Variants in PHACTR1 observed in about 807,000 individuals in gnomAD.
PHACTR1 encodes the protein RPEL repeat containing 1.
Under a neutral mutation model 69.2 loss-of-function variants are expected in PHACTR1, and 16 were observed. That is an observed-to-expected ratio of 0.23 (90% CI 0.16 to 0.35). The LOEUF (loss-of-function observed/expected upper bound fraction) is 0.35, where lower values mean the gene tolerates loss of function less well. Among genes scored for constraint, PHACTR1 ranks in the 10% least tolerant of loss-of-function variants. The pLI is 1.00. For missense variants in PHACTR1, 510 were observed against 734.7 expected, an observed-to-expected ratio of 0.69 and a Z score of 3.54; for synonymous variants, 312 against 284.5, an observed-to-expected ratio of 1.10 and a Z score of -0.97.
chr6:13,273,681 T>C (rs1211809410), intron 11 of PHACTR1: 1 of 152,196 alleles, frequency 6.6e-6, no homozygotes, highest in African/African-American at 2.4e-5. Flanking sequence ...TAGTGGTAGA[T>C]ATTAAATAAC....
chr6:13,173,267 T>C (rs1014516774), intron 6 of PHACTR1, among the ~76,000 whole-genome samples: 3 of 152,226 alleles, frequency 2.0e-5, no homozygotes, highest in African/African-American at 7.2e-5. Flanking sequence ...TTAAATCGTT[T>C]TTTGTTTTTT....
chr6:13,193,932 G>C (rs1020065281), intron 7 of PHACTR1, among the ~76,000 whole-genome samples: 2 of 152,072 alleles, frequency 1.3e-5, no homozygotes, highest in African/African-American at 4.8e-5. Context: ...ATCAATTGAA[G>C]GGCATTCTTC....
In PHACTR1 at chr6:13,283,268, C is replaced by T; in HGVS notation, c.1510-154C>T. On this transcript the variant is annotated intron_variant, in intron 12 of 14. Coordinates refer to ENST00000332995, the MANE Select transcript of PHACTR1 (RefSeq NM_030948.6). This position sits in a 1 kb window ranked among gnomAD's most constrained non-coding sequence, Gnocchi z 4.7. ...GTCAGGAGACTTGGGTCCCCCCACC[C>T]TGGCCCTCCCCCTGCCCCTGCCCCT... 5.5e-6 allele frequency: 4 copies of T among 723,726 alleles called. 1 individual carries two copies. Among genetic ancestry groups the T allele is most frequent in the Non-Finnish European group, 8.8e-6 (4 of 454,472 alleles). The allele number at this position is 723,726 out of a possible 1,614,324, so 44.8% of individuals were successfully genotyped here.
chr6:12,730,228 T>C (rs1228826774), intron 3 of PHACTR1, among the ~76,000 whole-genome samples: 3 of 152,206 alleles, frequency 2.0e-5, no homozygotes, highest in Non-Finnish European at 4.4e-5. Context: ...CCTTTTATTT[T>C]CCTTTCACAT....
intron 4 of PHACTR1, among the ~76,000 whole-genome samples, chr6:12,908,598 G>A (rs1444142652): frequency 1.3e-5 from 2 of 152,190 alleles, no homozygotes; most frequent in Non-Finnish European, 2.9e-5. Flanking sequence ...GGTGAAGTGT[G>A]AGCTGAATCT....
intron 10 of PHACTR1, among the ~76,000 whole-genome samples, chr6:13,254,893 G>T (rs1774966407): frequency 6.6e-6 from 1 of 152,180 alleles, no homozygotes; most frequent in Non-Finnish European, 1.5e-5. Flanking sequence ...ATTCTTATAT[G>T]CAACAAGTTA....
At chr6:12,740,043 G>T (rs1362258453) in intron 3 of PHACTR1, among the ~76,000 whole-genome samples, 1 of 152,196 alleles carries the variant, frequency 6.6e-6, no homozygotes, top group Non-Finnish European at 1.5e-5. Flanking sequence ...TGGTATATGA[G>T]ATTTGCTTAT....
At chr6:13,109,833 C>CATGTGTGTGT (rs71552733) in intron 5 of PHACTR1, among the ~76,000 whole-genome samples, 1 of 146,080 alleles carries the variant, frequency 6.8e-6, no homozygotes, top group Non-Finnish European at 1.5e-5. Context: ...ATTTTTTCAG[C>CATGTGTGTGT]GTGTGTGTGT....
chr6:12,882,145 G>T (rs1783164291), intron 4 of PHACTR1, among the ~76,000 whole-genome samples: 1 of 152,148 alleles, frequency 6.6e-6, no homozygotes, highest in African/African-American at 2.4e-5. Flanking sequence ...GGAAGCAGGT[G>T]CTACTACCCA....
intron 5 of PHACTR1, among the ~76,000 whole-genome samples, chr6:13,088,323 C>CAAAA (rs56960328): frequency 0.012 from 1,716 of 141,070 alleles, 46 homozygotes; most frequent in African/African-American, 0.043. Context: ...CTACCCCCCG[C>CAAAA]AAAAAAAAAA....
At chr6:13,285,090 G>A (rs1214613113) in intron 13 of PHACTR1, among the ~76,000 whole-genome samples, 3 of 152,174 alleles carry the variant, frequency 2.0e-5, no homozygotes, top group African/African-American at 2.4e-5. Flanking sequence ...CTCTCTCTGC[G>A]GTATGCTTGC....
At chr6:12,737,519 A>C (rs982816520) in intron 3 of PHACTR1, among the ~76,000 whole-genome samples, 15 of 151,976 alleles carry the variant, frequency 9.9e-5, no homozygotes, top group African/African-American at 3.1e-4. Flanking sequence ...GGCTTTATAT[A>C]TATATATACA....
intron 4 of PHACTR1, among the ~76,000 whole-genome samples, chr6:12,784,295 C>A (rs1771217166): frequency 6.6e-6 from 1 of 151,288 alleles, no homozygotes; most frequent in Non-Finnish European, 1.5e-5. Flanking sequence ...CATGCACACA[C>A]AGATATACAT....
intron 4 of PHACTR1, among the ~76,000 whole-genome samples, chr6:12,866,705 G>A (rs1421208232): frequency 6.6e-6 from 1 of 152,172 alleles, no homozygotes; most frequent in African/African-American, 2.4e-5. Context: ...GCTTCCCTCT[G>A]CAAATAAAAT....
chr6:12,971,442 T>G lies in PHACTR1; in HGVS notation c.251-81923T>G, dbSNP rs2127581227. On this transcript the variant is annotated intron_variant, in intron 4 of 14. Transcript: ENST00000332995. ...CTCAAACGACTAAAAGTAATTACAGTTTTGCTGTCCTATCACTGAGGGATG... is the reference window on the plus strand; with the variant it reads ...CTCAAACGACTAAAAGTAATTACAGGTTTGCTGTCCTATCACTGAGGGATG... Among the ~76,000 whole-genome samples the G allele has an allele frequency of 1.3e-5, 2 of 152,182 alleles. 1 individual carries two copies. The highest frequency in any genetic ancestry group is 4.2e-4 in the South Asian group (2 of 4,806).
intron 7 of PHACTR1, 98 bp from the exon 8 acceptor site, chr6:13,205,717 C>T (rs1223321033): frequency 4.2e-6 from 5 of 1,194,440 alleles, no homozygotes; most frequent in Non-Finnish European, 4.7e-6. Context: ...AGAGGCTCAA[C>T]TCATTGGCCA....
At chr6:13,157,462 G>A (rs186815964) in intron 5 of PHACTR1, among the ~76,000 whole-genome samples, 170 of 152,314 alleles carry the variant, frequency 1.1e-3, no homozygotes, top group African/African-American at 3.8e-3. Flanking sequence ...ATTATTTCCA[G>A]CCCCAGCCGG....
chr6:12,890,223 G>A (rs541849065), intron 4 of PHACTR1, among the ~76,000 whole-genome samples: 2 of 152,252 alleles, frequency 1.3e-5, no homozygotes, highest in Middle Eastern at 6.8e-3. Flanking sequence ...CTGAGGTGGA[G>A]CAGTTTCATG....
intron 4 of PHACTR1, among the ~76,000 whole-genome samples, chr6:13,038,485 G>GT (rs1803673790): frequency 8.7e-6 from 1 of 115,312 alleles, no homozygotes; most frequent in Non-Finnish European, 1.8e-5. Context: ...GTGTTCAAGT[G>GT]TTTAAAAAAA....
Sources: gnomAD v4.1 joint callset for allele counts (sites outside exome capture counted in the v4.1 genomes callset) on GRCh38, gnomAD v4.1.1 for gene constraint, Gnocchi (gnomAD v3.1) non-coding constraint, MANE v1.5 for transcripts, NCBI Gene and HGNC (gene_info 2026-07-23, HGNC 2026-07-21) for gene names.